Variants in CERS3 observed in about 807,000 individuals in gnomAD.
CERS3 encodes LAG1 homolog, ceramide synthase 3.
In CERS3, 33 loss-of-function variants were observed where a neutral mutation model predicts 50.3. The ratio of observed to expected loss-of-function variants is 0.66; its 90% CI spans 0.50 to 0.88. CERS3 has a LOEUF of 0.88. CERS3 is among the 40% of genes least tolerant of loss of function. The pLI is 0.00. For synonymous variants in CERS3, 176 were observed against 155.2 expected (o/e 1.13, Z -0.99); for missense variants, 470 against 460.3 (o/e 1.02, Z -0.19).
At chr15:100,537,577 C>A (rs375076561) in intron 1 of CERS3, among the ~76,000 whole-genome samples, 1 of 152,140 alleles carries the variant, frequency 6.6e-6, no homozygotes, top group Non-Finnish European at 1.5e-5. Context: ...TGGGGAAGAG[C>A]GCCTTATGAA....
In CERS3 at chr15:100,528,838, G is replaced by T. The variant is rs62619252; in HGVS notation, c.-117C>A. ...CTTTCTGAAATGTCAGTCCACAAAA[G>T]GTGCCCCTTGCTTGTGAAGTGTAGT... On this transcript the variant is annotated 5_prime_UTR_variant, in exon 1 of 12. Coordinates refer to ENST00000679737, the MANE Select transcript of CERS3 (RefSeq NM_001378789.1). 0.061 allele frequency: 9,321 copies of T among 152,282 alleles called. 309 individuals carry two copies. Among genetic ancestry groups the T allele is most frequent in the Admixed American group, 0.098 (1,506 of 15,290 alleles). The allele number at this position is 152,282 out of a possible 1,614,324, so 9.4% of individuals were successfully genotyped here. A position where few individuals can be genotyped will look rare whatever the true frequency, so the allele number is the denominator to read the frequency against.
At chr15:100,506,475 C>G (rs2036188170) in intron 2 of CERS3, among the ~76,000 whole-genome samples, 1 of 114,090 alleles carries the variant, frequency 8.8e-6, no homozygotes. Flanking sequence ...CCCCGCCGCC[C>G]CACACACACA....
chr15:100,536,659 A>G (rs1172723826), intron 1 of CERS3, among the ~76,000 whole-genome samples: 2 of 152,218 alleles, frequency 1.3e-5, no homozygotes, highest in African/African-American at 4.8e-5. Context: ...TCGGCAGATA[A>G]AGTTTCCACC....
At chr15:100,497,157 G>A (rs2035839188) in intron 3 of CERS3, among the ~76,000 whole-genome samples, 1 of 151,804 alleles carries the variant, frequency 6.6e-6, no homozygotes, top group African/African-American at 2.4e-5. Context: ...CAAATACACA[G>A]AACACGACAG....
rs557510445 is a variant in CERS3, at chr15:100,503,976, TG to T, written c.-1-2127del. On this transcript the variant is annotated intron_variant, in intron 2 of 11. Coordinates refer to ENST00000679737, the MANE Select transcript of CERS3 (RefSeq NM_001378789.1). ...TGTTGGGAGTGAGGCCCGAGGGTAA[TG>T]GGAAGACTAGATCAGAGGGTAGGAT... 9.7e-4 allele frequency: 317 copies of T among 326,184 alleles called. 1 individual carries two copies. Among genetic ancestry groups the T allele is most frequent in the Middle Eastern group, 2.3e-3 (2 of 876 alleles). 20.2% of individuals were successfully genotyped at this position (326,184 alleles called of 1,614,324 possible).
At chr15:100,413,855 C>T (rs1321933284) in intron 11 of CERS3, among the ~76,000 whole-genome samples, 1 of 127,452 alleles carries the variant, frequency 7.8e-6, no homozygotes, top group Non-Finnish European at 1.7e-5. Context: ...GGACACATTC[C>T]TGGAAACATA....
At position 100,501,867 on chromosome 15, in the gene CERS3, A is replaced by T; in HGVS notation, c.-1-17T>A. 6.2e-7 allele frequency: 1 copy of T among 1,612,422 alleles called. No homozygotes were observed. The highest frequency in any genetic ancestry group is 2.2e-5 in the East Asian group (1 of 44,866). On this transcript the variant is annotated splice_polypyrimidine_tract_variant and intron_variant, in intron 2 of 11. Coordinates refer to ENST00000679737, the MANE Select transcript of CERS3 (RefSeq NM_001378789.1). ...CAAAACATTCTAGAGAAATGGAAAC[A>T]GACATTAGGCTTGTAAAACAAACAC...
At chr15:100,528,455 G>T (rs1406873391) in intron 1 of CERS3, among the ~76,000 whole-genome samples, 1 of 152,174 alleles carries the variant, frequency 6.6e-6, no homozygotes, top group Non-Finnish European at 1.5e-5. Context: ...AGCCGTGTGT[G>T]ATTTCACTGC....
At chr15:100,495,205 C>A (rs145287497) in intron 3 of CERS3, among the ~76,000 whole-genome samples, 83 of 152,302 alleles carry the variant, frequency 5.4e-4, no homozygotes, top group African/African-American at 2.0e-3. Context: ...CTTTCAGTGG[C>A]AGCCAGGTTG....
chr15:100,436,403 G>A (rs999938098), intron 11 of CERS3, among the ~76,000 whole-genome samples: 1 of 152,092 alleles, frequency 6.6e-6, no homozygotes, highest in African/African-American at 2.4e-5. Context: ...GTTCTCACTC[G>A]TAAGTAGAAG....
intron 5 of CERS3, among the ~76,000 whole-genome samples, chr15:100,484,149 T>A (rs2035414725): frequency 6.6e-6 from 1 of 151,992 alleles, no homozygotes; most frequent in Non-Finnish European, 1.5e-5. Flanking sequence ...CTCTTACAGT[T>A]GTGATGGTTG....
chr15:100,517,977 A>G (rs2142376642), intron 2 of CERS3, among the ~76,000 whole-genome samples: 1 of 152,330 alleles, frequency 6.6e-6, no homozygotes, highest in South Asian at 2.1e-4. Flanking sequence ...CACCTGTTGG[A>G]ATAGTTACTG....
intron 11 of CERS3, among the ~76,000 whole-genome samples, chr15:100,450,534 A>C (rs1215121055): frequency 6.6e-6 from 1 of 152,130 alleles, no homozygotes; most frequent in African/African-American, 2.4e-5. Flanking sequence ...ATGAAAAAAG[A>C]ATGAACATAG....
chr15:100,498,395 AG>A (rs1282894857), intron 3 of CERS3, among the ~76,000 whole-genome samples: 1 of 152,220 alleles, frequency 6.6e-6, no homozygotes, highest in African/African-American at 2.4e-5. Context: ...TGAACTGAAG[AG>A]ATAAGGGAAA....
chr15:100,447,687 C>T (rs1287833013), intron 11 of CERS3, among the ~76,000 whole-genome samples: 3 of 152,212 alleles, frequency 2.0e-5, no homozygotes, highest in African/African-American at 7.2e-5. Context: ...TGAAACATTT[C>T]CTGGTCCCTT....
At chr15:100,526,615 T>C (rs12901262) in intron 1 of CERS3, among the ~76,000 whole-genome samples, 1 of 152,136 alleles carries the variant, frequency 6.6e-6, no homozygotes, top group Admixed American at 6.6e-5. Flanking sequence ...GGGGGACTTT[T>C]GGCATAGGAC....
At chr15:100,521,311 A>G (rs2036633109) in intron 2 of CERS3, among the ~76,000 whole-genome samples, 1 of 152,154 alleles carries the variant, frequency 6.6e-6, no homozygotes, top group South Asian at 2.1e-4. Context: ...AAGACGCTGG[A>G]AGCTAGAGAC....
intron 3 of CERS3, among the ~76,000 whole-genome samples, chr15:100,499,764 C>T (rs953093038): frequency 4.6e-5 from 7 of 152,200 alleles, no homozygotes; most frequent in African/African-American, 1.2e-4. Context: ...TTTAAGCTTG[C>T]TTTCTGTATT....
chr15:100,510,139 A>C (rs1207995563), intron 2 of CERS3, among the ~76,000 whole-genome samples: 1 of 152,196 alleles, frequency 6.6e-6, no homozygotes, highest in Non-Finnish European at 1.5e-5. Context: ...CCAATTCTAA[A>C]TGCATTTAAA....
Sources: allele counts gnomAD v4.1 joint callset (sites outside exome capture counted in the v4.1 genomes callset), GRCh38; gene constraint gnomAD v4.1.1; transcripts MANE v1.5; gene names NCBI Gene and HGNC (gene_info 2026-07-23, HGNC 2026-07-21).